Variants in TTC28 observed in about 807,000 individuals in gnomAD.
TTC28 encodes the protein tetratricopeptide repeat domain 28, also known as tetratricopeptide repeat protein 28.
TTC28 carries 61 observed loss-of-function variants against 198.0 expected under a neutral mutation model. The observed-to-expected ratio is 0.31, with a 90% CI of 0.25 to 0.38. TTC28 has a LOEUF of 0.38. Ranked by LOEUF, TTC28 falls within the 10% of genes least tolerant of loss-of-function variation. TTC28 has a pLI of 1.00. For missense variants in TTC28, 2,678 were observed against 3,164.0 expected, an observed-to-expected ratio of 0.85 and a Z score of 3.69; for synonymous variants, 1,171 against 1,297.8, an observed-to-expected ratio of 0.90 and a Z score of 2.10.
chr22:27,995,789 C>T (rs1030985174), intron 17 of TTC28, among the ~76,000 whole-genome samples: 1 of 152,202 alleles, frequency 6.6e-6, no homozygotes, highest in Non-Finnish European at 1.5e-5. Context: ...GGGTCACTGT[C>T]GTCGGCTGCC....
At chr22:28,194,875 C>T (rs916355472) in intron 5 of TTC28, among the ~76,000 whole-genome samples, 2 of 79,826 alleles carry the variant, frequency 2.5e-5, no homozygotes, top group Admixed American at 1.2e-4. Flanking sequence ...GAGTTGGTAC[C>T]ATGCCTTCTG....
intron 5 of TTC28, among the ~76,000 whole-genome samples, chr22:28,189,236 C>T (rs1924494305): frequency 6.6e-6 from 1 of 152,046 alleles, no homozygotes; most frequent in Admixed American, 6.6e-5. Context: ...CATACTATAA[C>T]CATGCACCTT....
intron 6 of TTC28, among the ~76,000 whole-genome samples, chr22:28,157,466 G>A (rs926394769): frequency 2.6e-5 from 4 of 152,068 alleles, no homozygotes; most frequent in Non-Finnish European, 5.9e-5. Flanking sequence ...ACCCTGATAC[G>A]AAAACCAAAG....
intron 6 of TTC28, among the ~76,000 whole-genome samples, chr22:28,115,281 C>T (rs1297311136): frequency 6.6e-6 from 1 of 152,164 alleles, no homozygotes; most frequent in Admixed American, 6.5e-5. Context: ...CCACCTCAGC[C>T]TCCCAAGTAG....
chr22:28,272,956 T>C (rs1306807773), intron 5 of TTC28, among the ~76,000 whole-genome samples: 2 of 152,194 alleles, frequency 1.3e-5, no homozygotes, highest in Admixed American at 1.3e-4. Flanking sequence ...AATCAAGTTA[T>C]TGACCTTCGC....
intron 12 of TTC28, among the ~76,000 whole-genome samples, chr22:28,072,480 A>G (rs1026286914): frequency 3.9e-5 from 6 of 152,186 alleles, no homozygotes; most frequent in Admixed American, 3.3e-4. Context: ...GTTAACCAAC[A>G]AGTATCCATT....
chr22:28,144,618 G>T (rs982512084), intron 6 of TTC28, among the ~76,000 whole-genome samples: 1 of 152,140 alleles, frequency 6.6e-6, no homozygotes, highest in Non-Finnish European at 1.5e-5. Flanking sequence ...CAAATCTCTC[G>T]ATGTGTAATA....
chr22:28,608,429 T>C (rs1482086554), intron 2 of TTC28, among the ~76,000 whole-genome samples: 1 of 152,240 alleles, frequency 6.6e-6, no homozygotes, highest in African/African-American at 2.4e-5. Flanking sequence ...ACAGGGCATC[T>C]GTCAAATAAA....
intron 2 of TTC28, among the ~76,000 whole-genome samples, chr22:28,582,085 T>C (rs1026078132): frequency 4.6e-5 from 7 of 152,274 alleles, no homozygotes; most frequent in African/African-American, 1.7e-4. Flanking sequence ...TCAAACATTT[T>C]TCTTAGATAA....
intron 2 of TTC28, among the ~76,000 whole-genome samples, chr22:28,344,921 C>T (rs911918708): frequency 2.6e-5 from 4 of 152,138 alleles, no homozygotes; most frequent in Non-Finnish European, 4.4e-5. Context: ...TGTTCTCAGC[C>T]ACCCCAAAAC....
chr22:28,525,837 C>T (rs749068711), intron 2 of TTC28, among the ~76,000 whole-genome samples: 1 of 152,164 alleles, frequency 6.6e-6, no homozygotes, highest in Non-Finnish European at 1.5e-5. Context: ...TATTTAGTAA[C>T]TCCATAAGTA....
chr22:28,360,779 G>C lies in TTC28; in HGVS notation c.382-54136C>G, dbSNP rs540495896. Reference sequence around the variant, plus strand: ...TGCATTTTTTACAAATTGAAGTTTTGTGACAACCCTGCATTGAGCAAGTCT... The same window carrying C: ...TGCATTTTTTACAAATTGAAGTTTTCTGACAACCCTGCATTGAGCAAGTCT... On this transcript the variant is annotated intron_variant, in intron 2 of 22. Coordinates refer to ENST00000397906, the MANE Select transcript of TTC28 (RefSeq NM_001145418.2). 2.6e-5 allele frequency among the ~76,000 whole-genome samples: 4 copies of C among 152,156 alleles called. No individual in the cohort carries two copies. In the East Asian group the frequency reaches 7.7e-4, roughly 29 times the overall value.
At chr22:28,161,238 A>G (rs1272058409) in intron 6 of TTC28, among the ~76,000 whole-genome samples, 1 of 152,226 alleles carries the variant, frequency 6.6e-6, no homozygotes, top group African/African-American at 2.4e-5. Flanking sequence ...TGTAATATAA[A>G]AAACAAAGAA....
chr22:28,096,048 T>C, intron 11 of TTC28, 142 bp downstream of exon 11: 1 of 1,284,312 alleles, frequency 7.8e-7, no homozygotes, highest in Non-Finnish European at 1.0e-6. Context: ...CCACGGCATA[T>C]CCACTGCGGC....
At chr22:28,616,208 G>C (rs1283435312) in intron 2 of TTC28, among the ~76,000 whole-genome samples, 1 of 152,134 alleles carries the variant, frequency 6.6e-6, no homozygotes, top group Non-Finnish European at 1.5e-5. Flanking sequence ...CTGGGTTTAA[G>C]TCCAAATCTT....
At chr22:28,332,243 C>T (rs1217313822) in intron 2 of TTC28, among the ~76,000 whole-genome samples, 1 of 151,898 alleles carries the variant, frequency 6.6e-6, no homozygotes, top group Non-Finnish European at 1.5e-5. Flanking sequence ...TTTAACTTAG[C>T]TCCGAAGATG....
intron 5 of TTC28, among the ~76,000 whole-genome samples, chr22:28,171,734 T>C (rs1346135988): frequency 2.0e-5 from 3 of 152,088 alleles, no homozygotes; most frequent in Non-Finnish European, 4.4e-5. Flanking sequence ...AGAAATTTAC[T>C]TTTCTGTTTC....
intron 5 of TTC28, among the ~76,000 whole-genome samples, chr22:28,225,160 G>C (rs1928198314): frequency 6.6e-6 from 1 of 151,996 alleles, no homozygotes; most frequent in Non-Finnish European, 1.5e-5. Context: ...TTTGAGACCA[G>C]CCTGGCCAAC....
At chr22:28,572,508 A>C (rs1474972017) in intron 2 of TTC28, among the ~76,000 whole-genome samples, 1 of 152,228 alleles carries the variant, frequency 6.6e-6, no homozygotes, top group Non-Finnish European at 1.5e-5. Context: ...AATATTAAAC[A>C]TGGCCCTGAC....
Sources: allele counts gnomAD v4.1 joint callset (sites outside exome capture counted in the v4.1 genomes callset), GRCh38; gene constraint gnomAD v4.1.1; transcripts MANE v1.5; gene names NCBI Gene and HGNC (gene_info 2026-07-23, HGNC 2026-07-21).